Variants in CELF2 observed in about 807,000 individuals in gnomAD.
CELF2 encodes CUGBP Elav-like family member 2, also known as CUG triplet repeat RNA-binding protein 2.
Under a neutral mutation model 62.6 loss-of-function variants are expected in CELF2, and 8 were observed. The observed-to-expected ratio is 0.13, with a 90% confidence interval of 0.07 to 0.23. The LOEUF is 0.23. Ranked by LOEUF, CELF2 falls within the 10% of genes least tolerant of loss-of-function variation. The pLI is 1.00. For synonymous variants in CELF2, 258 were observed against 250.0 expected (o/e 1.03, Z -0.30); for missense variants, 333 against 671.0 (o/e 0.50, Z 5.56).
At chr10:10,778,118 A>T in the CELF2 span, among the ~76,000 whole-genome samples, 2 of 152,130 alleles carry the variant, frequency 1.3e-5, no homozygotes, top group Non-Finnish European at 2.9e-5. Flanking sequence ...TGACAACAAA[A>T]CTGTAGTTGA....
chr10:10,725,124 T>C, the CELF2 span, among the ~76,000 whole-genome samples: 2 of 152,362 alleles, frequency 1.3e-5, no homozygotes, highest in South Asian at 2.1e-4. Context: ...CTTAGCTCCA[T>C]TATCAACTCT....
At chr10:10,599,322 T>G in the CELF2 span, among the ~76,000 whole-genome samples, 2 of 152,122 alleles carry the variant, frequency 1.3e-5, no homozygotes, top group African/African-American at 2.4e-5. Context: ...AAAATGAAGA[T>G]TAAAAGAACT....
the CELF2 span, among the ~76,000 whole-genome samples, chr10:10,524,591 A>G: frequency 2.0e-5 from 3 of 152,044 alleles, no homozygotes; most frequent in African/African-American, 7.2e-5. Context: ...TTTCATAAAT[A>G]AAAATGTAGA....
At chr10:11,031,008 T>A (rs887908609) in intron 1 of CELF2, 1 of 152,210 alleles carries the variant, frequency 6.6e-6, no homozygotes, top group Non-Finnish European at 1.5e-5. Flanking sequence ...ACGGTATATT[T>A]TATGAAGAGG....
At chr10:11,278,013 A>G in intron 8 of CELF2, among the ~76,000 whole-genome samples, 1 of 152,222 alleles carries the variant, frequency 6.6e-6, no homozygotes. Context: ...GTTGTGAACA[A>G]CTCTGAAAAC....
the CELF2 span, among the ~76,000 whole-genome samples, chr10:10,737,546 A>G: frequency 6.6e-6 from 1 of 152,114 alleles, no homozygotes; most frequent in Non-Finnish European, 1.5e-5. Context: ...AGCACGCAAG[A>G]TGGAATACAT....
chr10:10,916,695 C>T (rs2064360415), intron 1 of CELF2, among the ~76,000 whole-genome samples: 1 of 152,222 alleles, frequency 6.6e-6, no homozygotes, highest in African/African-American at 2.4e-5. Context: ...TCACTGCAAC[C>T]TCTGCCTCCC....
At position 11,165,467 on chromosome 10, in the gene CELF2, C is replaced by G; in HGVS notation, c.75-19C>G. 6.2e-7 allele frequency: 1 copy of G among 1,608,572 alleles called. No individual in the cohort carries two copies. Among genetic ancestry groups the G allele is most frequent in the Non-Finnish European group, 8.5e-7 (1 of 1,176,924 alleles). On this transcript the variant is annotated intron_variant, in intron 1 of 12. Coordinates refer to ENST00000633077, the MANE Select transcript of CELF2 (RefSeq NM_001326342.2). The surrounding 1 kb of genome is among the most constrained non-coding windows in gnomAD (Gnocchi z 7.4). ...CATCGTGCCGCCCTAACTCTGGCTC[C>G]CGGTTCCGTTTTTGACAGTAACGGC...
the CELF2 span, among the ~76,000 whole-genome samples, chr10:10,698,941 A>T: frequency 1.3e-5 from 2 of 152,128 alleles, no homozygotes; most frequent in South Asian, 2.1e-4. Context: ...TATATAATAT[A>T]CTCATAAATG....
rs2066697291 is a variant in CELF2, at chr10:11,165,204, C to CG, written c.75-282_75-281insG. 8.1e-7 allele frequency: 1 copy of CG among 1,228,402 alleles called. No individual in the cohort carries two copies. The highest frequency in any genetic ancestry group is 4.4e-5 in the Admixed American group (1 of 22,888). 76.1% of individuals were successfully genotyped at this position (1,228,402 alleles called of 1,614,324 possible). A position where few individuals can be genotyped will look rare whatever the true frequency, so the allele number is the denominator to read the frequency against. On this transcript the variant is annotated intron_variant, in intron 1 of 12. Coordinates refer to ENST00000633077, the MANE Select transcript of CELF2 (RefSeq NM_001326342.2). This position sits in a 1 kb window ranked among gnomAD's most constrained non-coding sequence, Gnocchi z 7.4. Reference sequence around the variant, plus strand: ...TAACTTGCAGCTGCCTCCCGAGCCTCCAAGATGTCCACGCCCTGGGTGACA... The same window carrying CG: ...TAACTTGCAGCTGCCTCCCGAGCCTCGCAAGATGTCCACGCCCTGGGTGACA...
intron 2 of CELF2, among the ~76,000 whole-genome samples, chr10:10,999,202 A>C (rs1262545036): frequency 6.6e-6 from 1 of 152,184 alleles, no homozygotes; most frequent in African/African-American, 2.4e-5. Flanking sequence ...CAAGCCACTG[A>C]GACTAGGTAA....
the CELF2 span, among the ~76,000 whole-genome samples, chr10:10,623,082 T>A: frequency 2.1e-5 from 1 of 47,216 alleles, no homozygotes; most frequent in African/African-American, 1.0e-4. Context: ...AGAGACTCCG[T>A]CTCAAAAAAA....
Position 11,315,976 on chromosome 10 carries a change from C to T in CELF2, c.1096+1718C>T, listed in dbSNP as rs977887817. On this transcript the variant is annotated intron_variant, in intron 10 of 12. Coordinates refer to ENST00000633077, the MANE Select transcript of CELF2 (RefSeq NM_001326342.2). This position sits in a 1 kb window ranked among gnomAD's most constrained non-coding sequence, Gnocchi z 5.8. ...GGCCAGTGGGAATGGTTGTCCTCCT[C>T]AGCACGTGCTCATGACTGGTGTGTG... 6.6e-6 allele frequency among the ~76,000 whole-genome samples: 1 copy of T among 152,244 alleles called. No homozygotes were observed. Among genetic ancestry groups the T allele is most frequent in the Admixed American group, 6.5e-5 (1 of 15,286 alleles).
At chr10:10,529,789 A>G in the CELF2 span, among the ~76,000 whole-genome samples, 1 of 152,138 alleles carries the variant, frequency 6.6e-6, no homozygotes, top group African/African-American at 2.4e-5. Flanking sequence ...CCTCAGTCAG[A>G]ACACTAAATA....
chr10:10,543,758 TCAA>T, the CELF2 span, among the ~76,000 whole-genome samples: 38 of 151,212 alleles, frequency 2.5e-4, no homozygotes, highest in East Asian at 3.3e-3. Context: ...AAACTCCATT[TCAA>T]CAACAACAAC....
At chr10:10,645,267 G>C in the CELF2 span, among the ~76,000 whole-genome samples, 2 of 152,134 alleles carry the variant, frequency 1.3e-5, no homozygotes, top group Non-Finnish European at 2.9e-5. Context: ...CTGGATTGTT[G>C]GCAATTCTGT....
At chr10:11,030,610 AC>A (rs1423098182) in intron 1 of CELF2, 3 of 152,186 alleles carry the variant, frequency 2.0e-5, no homozygotes, top group Non-Finnish European at 2.9e-5. Flanking sequence ...CTGAGGTTGC[AC>A]CTCTGTTCCT....
chr10:10,818,670 C>G (rs948848165), intron 1 of CELF2, among the ~76,000 whole-genome samples: 6 of 151,416 alleles, frequency 4.0e-5, no homozygotes, highest in African/African-American at 1.5e-4. Flanking sequence ...TCTCATGCCT[C>G]AGCCTCCTGA....
the CELF2 span, among the ~76,000 whole-genome samples, chr10:10,715,922 G>A: frequency 4.6e-5 from 7 of 152,294 alleles, no homozygotes; most frequent in East Asian, 1.3e-3. Flanking sequence ...TTCTGCATAT[G>A]CCCTCATTTG....
Sources: allele counts gnomAD v4.1 joint callset (sites outside exome capture counted in the v4.1 genomes callset), GRCh38; gene constraint gnomAD v4.1.1; non-coding constraint Gnocchi (gnomAD v3.1); transcripts MANE v1.5; gene names NCBI Gene and HGNC (gene_info 2026-07-23, HGNC 2026-07-21).